CALCA: variants seen among roughly 807,000 people sequenced by gnomAD.
The protein encoded by CALCA is calcitonin related polypeptide alpha.
CALCA carries 4 observed loss-of-function variants against 6.9 expected under a neutral mutation model. The ratio of observed to expected loss-of-function variants is 0.58; its 90% CI spans 0.29 to 1.33. The LOEUF is 1.33. Ranked by LOEUF, CALCA falls within the 40% of genes most tolerant of loss-of-function variation. The pLI is 0.09. For synonymous variants in CALCA, 78 were observed against 70.0 expected (o/e 1.11, Z -0.57); for missense variants, 174 against 178.3 (o/e 0.98, Z 0.14).
intron 1 of CALCA, among the ~76,000 whole-genome samples, chr11:14,971,774 T>C (rs1282880263): frequency 6.6e-6 from 1 of 152,224 alleles, no homozygotes; most frequent in African/African-American, 2.4e-5. Flanking sequence ...AGACTTTCTC[T>C]CTTTGCTCCC....
chr11:14,970,767 G>T (rs1468179186), intron 2 of CALCA, among the ~76,000 whole-genome samples: 5 of 152,096 alleles, frequency 3.3e-5, no homozygotes, highest in African/African-American at 9.7e-5. Flanking sequence ...GGGCATGGTG[G>T]TGGGCGCCTG....
chr11:14,968,911 G>C lies in CALCA; in HGVS notation c.314C>G (p.Thr105Arg). Reference protein sequence around the residue: ...TYTQDFNKFHTFPQTAIGVGA... With the variant: ...TYTQDFNKFHRFPQTAIGVGA... Reference sequence around the variant, plus strand: ...AACCCCAATTGCAGTTTGGGGGAACGTGTGAAACTTGTTGAAGTCCTGCGT... The same window carrying C: ...AACCCCAATTGCAGTTTGGGGGAACCTGTGAAACTTGTTGAAGTCCTGCGT... Residue 105 changes from threonine (T) to arginine (R), a missense_variant, in exon 4 of 4, where the codon ACG becomes AGG. Coordinates refer to ENST00000331587, the MANE Select transcript of CALCA (RefSeq NM_001741.3). 1 of 1,614,088 alleles carries C rather than the reference G, an allele frequency of 6.2e-7. No homozygotes were observed. Among genetic ancestry groups the C allele is most frequent in the Non-Finnish European group, 8.5e-7 (1 of 1,180,010 alleles).
rs782737819 is a variant in CALCA, at chr11:14,971,199, T to A, written c.-7A>T. 3.1e-6 allele frequency: 5 copies of A among 1,611,460 alleles called. No homozygotes were observed. Among genetic ancestry groups the A allele is most frequent in the Non-Finnish European group, 4.2e-6 (5 of 1,177,726 alleles). On this transcript the variant is annotated splice_region_variant and 5_prime_UTR_variant, in exon 2 of 4. Coordinates refer to ENST00000331587, the MANE Select transcript of CALCA (RefSeq NM_001741.3). The stretch of plus-strand genomic sequence containing the variant: ...AGAACTTTTGGAAGCCCATGACACC[T>A]CTCTGCAAGGGAAGAATGAGATAAA...
chr11:14,970,486 CA>C, intron 2 of CALCA, among the ~76,000 whole-genome samples: 1 of 152,276 alleles, frequency 6.6e-6, no homozygotes, highest in South Asian at 2.1e-4. Context: ...AACTATTTAA[CA>C]GAATAGGATG....
intron 2 of CALCA, among the ~76,000 whole-genome samples, chr11:14,970,853 C>A (rs570358747): frequency 6.6e-6 from 1 of 152,068 alleles, no homozygotes; most frequent in Non-Finnish European, 1.5e-5. Context: ...TGAGCCGACA[C>A]GGTGCCATTG....
downstream of CALCA, among the ~76,000 whole-genome samples, chr11:14,967,414 T>G (rs1849481242): frequency 6.6e-6 from 1 of 152,210 alleles, no homozygotes; most frequent in South Asian, 2.1e-4. Flanking sequence ...ATCAAAATTA[T>G]AAATGTCAAA....
downstream of CALCA, chr11:14,967,655 A>T (rs576657166): frequency 1.9e-6 from 3 of 1,613,136 alleles, no homozygotes; most frequent in Non-Finnish European, 2.5e-6. Flanking sequence ...TTCCCATCCC[A>T]TCATACAAGG....
rs1217234173 is a variant in CALCA, at chr11:14,968,740, A to G, written c.*59T>C. The G allele has an allele frequency of 1.9e-6, 3 of 1,613,470 alleles. No homozygotes were observed. Among genetic ancestry groups the G allele is most frequent in the East Asian group, 2.2e-5 (1 of 44,884 alleles). The stretch of plus-strand genomic sequence containing the variant: ...AGAGCCACCAGAGAGGAACCAAACC[A>G]CATGCATCAAGTTATAGGAAGGATG... On this transcript the variant is annotated 3_prime_UTR_variant, in exon 4 of 4. Coordinates refer to ENST00000331587, the MANE Select transcript of CALCA (RefSeq NM_001741.3).
At chr11:14,972,100 C>G (rs1849620784) in intron 1 of CALCA, 145 bp downstream of exon 1, 1 of 152,318 alleles carries the variant, frequency 6.6e-6, no homozygotes, top group Admixed American at 6.5e-5. Context: ...AGGGCACGAG[C>G]CTGGTATAAA....
chr11:14,967,807 T>C (rs781857718), downstream of CALCA: 13 of 1,614,210 alleles, frequency 8.1e-6, 1 homozygote, highest in East Asian at 2.7e-4. Context: ...TGCCAGCCGA[T>C]GAGTCACACA....
At chr11:14,971,262 C>T (rs1555026487) in intron 1 of CALCA, 61 bp from the exon 2 acceptor site, 2 of 1,008,922 alleles carry the variant, frequency 2.0e-6, no homozygotes, top group African/African-American at 3.1e-5. Flanking sequence ...AGCCCACAGA[C>T]CTTGGCTCCT....
At chr11:14,970,118 C>T (rs2133583767) in intron 2 of CALCA, 43 bp from the exon 3 acceptor site, 1 of 1,610,260 alleles carries the variant, frequency 6.2e-7, no homozygotes, top group East Asian at 2.2e-5. Flanking sequence ...TGAGCCCCTG[C>T]CTGCCCCTCC....
chr11:14,969,237 A>G (rs532518029), intron 3 of CALCA, among the ~76,000 whole-genome samples: 9 of 152,248 alleles, frequency 5.9e-5, no homozygotes, highest in African/African-American at 1.9e-4. Flanking sequence ...TCAGTCCTTC[A>G]TGCTTGACAG....
chr11:14,967,446 G>A (rs1555025539), downstream of CALCA, among the ~76,000 whole-genome samples: 1 of 152,160 alleles, frequency 6.6e-6, no homozygotes, highest in Non-Finnish European at 1.5e-5. Context: ...TAAATAAACA[G>A]GATCTGTATT....
At chr11:14,967,832 A>C, downstream of CALCA, 1 of 1,614,234 alleles carries the variant, frequency 6.2e-7, no homozygotes, top group Non-Finnish European at 8.5e-7. Context: ...GCAGTGTCAC[A>C]GGCTCTCTTC....
chr11:14,971,224 A>G, intron 1 of CALCA, 23 bp from the exon 2 acceptor site: 3 of 1,549,092 alleles, frequency 1.9e-6, no homozygotes, highest in Non-Finnish European at 2.7e-6. Flanking sequence ...AATGAGATAA[A>G]CCACCTGCGC....
At chr11:14,971,696 C>T (rs1413880323) in intron 1 of CALCA, among the ~76,000 whole-genome samples, 1 of 152,206 alleles carries the variant, frequency 6.6e-6, no homozygotes, top group Non-Finnish European at 1.5e-5. Flanking sequence ...TAGTGCTCAG[C>T]CTAAGCTCCG....
chr11:14,971,656 T>C (rs1849608913), intron 1 of CALCA, among the ~76,000 whole-genome samples: 1 of 152,154 alleles, frequency 6.6e-6, no homozygotes. Context: ...ATCTCTGCAA[T>C]TGGAATCTGA....
At chr11:14,969,086 C>T in intron 3 of CALCA, 89 bp from the exon 4 acceptor site, 1 of 1,262,146 alleles carries the variant, frequency 7.9e-7, no homozygotes, top group South Asian at 1.2e-5. Context: ...GGCAGGGGAC[C>T]CTGGGAGCAG....
Sources: gnomAD v4.1 joint callset for allele counts (sites outside exome capture counted in the v4.1 genomes callset) on GRCh38, gnomAD v4.1.1 for gene constraint, MANE v1.5 for transcripts, NCBI Gene and HGNC (gene_info 2026-07-23, HGNC 2026-07-21) for gene names.